Variants in SLC3A2 observed in about 807,000 individuals in gnomAD.
SLC3A2 encodes the protein amino acid transporter heavy chain SLC3A2.
A neutral mutation model predicts 48.5 loss-of-function variants in SLC3A2; 32 were observed. The observed-to-expected ratio is 0.66, with a 90% CI of 0.50 to 0.89. The LOEUF (loss-of-function observed/expected upper bound fraction) is 0.89, where lower values mean the gene tolerates loss of function less well. Ranked by LOEUF, SLC3A2 falls within the 40% of genes least tolerant of loss-of-function variation. SLC3A2 has a pLI of 0.00. For synonymous variants in SLC3A2, 277 were observed against 288.8 expected (o/e 0.96, Z 0.41); for missense variants, 587 against 680.7 (o/e 0.86, Z 1.53).
At chr11:62,859,484 C>A (rs968023705) in intron 1 of SLC3A2, among the ~76,000 whole-genome samples, 1 of 152,140 alleles carries the variant, frequency 6.6e-6, no homozygotes, top group African/African-American at 2.4e-5. Flanking sequence ...ACATTAGAGA[C>A]CAGCATGGCC....
At chr11:62,864,807 C>T (rs1322049713) in intron 1 of SLC3A2, among the ~76,000 whole-genome samples, 1 of 151,264 alleles carries the variant, frequency 6.6e-6, no homozygotes, top group Non-Finnish European at 1.5e-5. Flanking sequence ...CCCACTCTGT[C>T]GCCTAGGCTG....
intron 7 of SLC3A2, among the ~76,000 whole-genome samples, chr11:62,887,699 C>CAAAAA (rs753559403): frequency 2.2e-5 from 2 of 89,578 alleles, no homozygotes; most frequent in African/African-American, 8.5e-5. Flanking sequence ...GACTCCGTCT[C>CAAAAA]AAAAAAAAAA....
At chr11:62,886,206 C>A (rs1316982813) in intron 7 of SLC3A2, among the ~76,000 whole-genome samples, 1 of 151,948 alleles carries the variant, frequency 6.6e-6, no homozygotes, top group Non-Finnish European at 1.5e-5. Flanking sequence ...AAGAGAATCG[C>A]TTGAACCTGG....
chr11:62,860,215 GTA>G (rs2085384212), intron 1 of SLC3A2, among the ~76,000 whole-genome samples: 1 of 151,996 alleles, frequency 6.6e-6, no homozygotes, highest in Non-Finnish European at 1.5e-5. Context: ...GTAAAGAGCA[GTA>G]TTGGCCGGGC....
chr11:62,861,232 G>A (rs1297378782), intron 1 of SLC3A2, among the ~76,000 whole-genome samples: 1 of 150,762 alleles, frequency 6.6e-6, no homozygotes, highest in Non-Finnish European at 1.5e-5. Context: ...TTCTGGGGGA[G>A]GCTGAGGTGG....
At chr11:62,887,382 G>A (rs1273675076) in intron 7 of SLC3A2, among the ~76,000 whole-genome samples, 3 of 152,126 alleles carry the variant, frequency 2.0e-5, no homozygotes, top group African/African-American at 4.8e-5. Context: ...AGGACCCTGA[G>A]GTGGGAGCCT....
chr11:62,880,937 G>T lies in SLC3A2; in HGVS notation c.-87G>T, dbSNP rs1377563057. On this transcript the variant is annotated 5_prime_UTR_variant, in exon 1 of 9. Coordinates refer to ENST00000338663, the MANE Select transcript of SLC3A2 (RefSeq NM_001013251.3). ...ACTGCGCGGAGGCACAGAGGCCGGG[G>T]AGAGCGTTCTGGGTCCGAGGGTCCA... 5.4e-6 allele frequency: 8 copies of T among 1,477,674 alleles called. No homozygotes were observed. The highest frequency in any genetic ancestry group is 2.3e-5 in the East Asian group (1 of 42,710). 91.5% of individuals were successfully genotyped at this position (1,477,674 alleles called of 1,614,324 possible).
intron 1 of SLC3A2, among the ~76,000 whole-genome samples, chr11:62,863,300 G>A (rs957670867): frequency 2.0e-5 from 3 of 152,140 alleles, no homozygotes; most frequent in African/African-American, 7.2e-5. Flanking sequence ...GCTCACTGCA[G>A]TGTTGAACTC....
intron 1 of SLC3A2, among the ~76,000 whole-genome samples, chr11:62,860,957 G>T (rs2085392507): frequency 6.6e-6 from 1 of 152,170 alleles, no homozygotes; most frequent in East Asian, 1.9e-4. Context: ...TGGGGCTAGG[G>T]TTACAGATTA....
intron 1 of SLC3A2, among the ~76,000 whole-genome samples, chr11:62,861,471 G>A (rs916553478): frequency 1.3e-5 from 2 of 150,486 alleles, no homozygotes; most frequent in African/African-American, 5.0e-5. Context: ...GTGTTGCCCA[G>A]GCTGGTCTCA....
chr11:62,864,434 G>A (rs554863863), intron 1 of SLC3A2, among the ~76,000 whole-genome samples: 3 of 152,018 alleles, frequency 2.0e-5, no homozygotes, highest in South Asian at 4.2e-4. Flanking sequence ...GGCTATAGGC[G>A]CGCACCAGCA....
At chr11:62,884,209 G>C in intron 3 of SLC3A2, 1 of 591,090 alleles carries the variant, frequency 1.7e-6, no homozygotes, top group Non-Finnish European at 3.0e-6. Flanking sequence ...AGTTGAAGCT[G>C]TGTGATTTGC....
rs1217797468 is a variant in SLC3A2 at position 62,881,794 on chromosome 11, C to T, written c.425-99C>T. Reference sequence around the variant, plus strand: ...CTTGCCTCCCTCTCTCCCCCTTTGCCCCCTCCCCGTCCCACCCTTAGGCGC... The same window carrying T: ...CTTGCCTCCCTCTCTCCCCCTTTGCTCCCTCCCCGTCCCACCCTTAGGCGC... On this transcript the variant is annotated intron_variant, in intron 1 of 8. Coordinates refer to ENST00000338663, the MANE Select transcript of SLC3A2 (RefSeq NM_001013251.3). The surrounding 1 kb of genome is among the most constrained non-coding windows in gnomAD (Gnocchi z 4.0). 7 of 1,396,214 alleles carry T rather than the reference C, an allele frequency of 5.0e-6. No individual in the cohort carries two copies. Among genetic ancestry groups the T allele is most frequent in the Non-Finnish European group, 5.9e-6 (6 of 1,016,054 alleles). The allele number at this position is 1,396,214 out of a possible 1,614,324, so 86.5% of individuals were successfully genotyped here.
At position 62,884,454 on chromosome 11, in the gene SLC3A2, TAGGA is replaced by T; in HGVS notation, c.691-2_692del. On this transcript the variant is annotated splice_acceptor_variant and coding_sequence_variant, in exon 4 of 9. Transcript: ENST00000338663. LOFTEE classifies it high-confidence loss of function. The stretch of plus-strand genomic sequence containing the variant: ...CTGTCCTTTATTCTTCTGCCCCCTA[TAGGA>T]TGCTCTGGAGTTTTGGCTGCAAGCT... 6.2e-7 allele frequency: 1 copy of T among 1,614,132 alleles called. No individual in the cohort carries two copies.
intron 3 of SLC3A2, chr11:62,884,237 A>C: frequency 1.6e-6 from 1 of 608,150 alleles, no homozygotes; most frequent in South Asian, 1.9e-5. Flanking sequence ...AAGAATGAGA[A>C]GTAAAATGCT....
chr11:62,883,079 A>C (rs1327563009), intron 3 of SLC3A2, 80 bp downstream of exon 3: 1 of 1,321,266 alleles, frequency 7.6e-7, no homozygotes, highest in Non-Finnish European at 1.1e-6. Context: ...CTGTAGACCC[A>C]GCCTGACTCC....
In SLC3A2 at chr11:62,867,928, AT is replaced by A. The variant is rs58049080; in HGVS notation, c.112+11559del. ...TTCTACAAATTATTTTTCAAAAAAAATTTTTTTTTTTTGAGACAGTCTCACT... is the reference window on the plus strand; with the variant it reads ...TTCTACAAATTATTTTTCAAAAAAAATTTTTTTTTTTGAGACAGTCTCACT... On this transcript the variant is annotated intron_variant, in intron 1 of 9. Transcript: ENST00000377889. Among the ~76,000 whole-genome samples, 535 of 147,280 alleles carry A rather than the reference AT, an allele frequency of 3.6e-3. 5 individuals carry two copies. The highest frequency in any genetic ancestry group is 0.011 in the African/African-American group (458 of 40,384).
intron 2 of SLC3A2, chr11:62,882,372 G>GA (rs1353596774): frequency 1.9e-5 from 6 of 323,058 alleles, no homozygotes; most frequent in South Asian, 1.1e-4. Flanking sequence ...TGGGGGGGGG[G>GA]AATCCCAAAT....
chr11:62,881,810 C>T lies in SLC3A2; in HGVS notation c.425-83C>T, dbSNP rs1590633199. The T allele has an allele frequency of 2.6e-6, 4 of 1,521,922 alleles. No homozygotes were observed. The highest frequency in any genetic ancestry group is 3.6e-6 in the Non-Finnish European group (4 of 1,115,768). 94.3% of individuals were successfully genotyped at this position (1,521,922 alleles called of 1,614,324 possible). ...CCCCTTTGCCCCCTCCCCGTCCCACCCTTAGGCGCTGGGAGAAGGGAGGGT... is the reference window on the plus strand; with the variant it reads ...CCCCTTTGCCCCCTCCCCGTCCCACTCTTAGGCGCTGGGAGAAGGGAGGGT... On this transcript the variant is annotated intron_variant, in intron 1 of 8. Coordinates refer to ENST00000338663, the MANE Select transcript of SLC3A2 (RefSeq NM_001013251.3). The surrounding 1 kb of genome is among the most constrained non-coding windows in gnomAD (Gnocchi z 4.0).
Sources: gnomAD v4.1 joint callset for allele counts (sites outside exome capture counted in the v4.1 genomes callset) on GRCh38, gnomAD v4.1.1 for gene constraint, Gnocchi (gnomAD v3.1) non-coding constraint, MANE v1.5 for transcripts, NCBI Gene and HGNC (gene_info 2026-07-23, HGNC 2026-07-21) for gene names.